ADCY2: variants seen among roughly 807,000 people sequenced by gnomAD.
ADCY2 encodes the protein adenylate cyclase 2, also known as adenylate cyclase type 2.
In ADCY2, 31 loss-of-function variants were observed where a neutral mutation model predicts 125.2. That is an observed-to-expected ratio of 0.25 (90% CI 0.19 to 0.33). The LOEUF is 0.33. ADCY2 is among the 10% of genes least tolerant of loss of function. ADCY2 has a pLI of 1.00. For missense variants in ADCY2, 904 were observed against 1,418.2 expected, an observed-to-expected ratio of 0.64 and a Z score of 5.82; for synonymous variants, 512 against 548.4, an observed-to-expected ratio of 0.93 and a Z score of 0.93.
intron 24 of ADCY2, 27 bp from the exon 25 acceptor site, chr5:7,826,692 G>A (rs528176690): frequency 6.4e-5 from 103 of 1,613,576 alleles, no homozygotes; most frequent in Admixed American, 3.3e-4. Context: ...TACTAAGCCC[G>A]TTTTCCCGTG....
intron 2 of ADCY2, among the ~76,000 whole-genome samples, chr5:7,504,555 G>A (rs1743727749): frequency 6.6e-6 from 1 of 151,414 alleles, no homozygotes; most frequent in Non-Finnish European, 1.5e-5. Context: ...TCAGCAAGAA[G>A]TACCATTTTT....
At chr5:7,666,359 C>A (rs915608742) in intron 4 of ADCY2, among the ~76,000 whole-genome samples, 10 of 151,920 alleles carry the variant, frequency 6.6e-5, no homozygotes, top group Non-Finnish European at 1.3e-4. Flanking sequence ...AGCTCAGCCT[C>A]CCAGGTTCAC....
intron 22 of ADCY2, among the ~76,000 whole-genome samples, chr5:7,811,608 G>T (rs182704396): frequency 5.5e-4 from 83 of 151,730 alleles, no homozygotes; most frequent in African/African-American, 1.9e-3. Context: ...TATAATTTTA[G>T]TTACTTATTA....
At chr5:7,441,262 A>G (rs909796877) in intron 2 of ADCY2, among the ~76,000 whole-genome samples, 2 of 152,184 alleles carry the variant, frequency 1.3e-5, no homozygotes, top group African/African-American at 4.8e-5. Context: ...TGGGAGACGG[A>G]ATGGAATTGC....
At chr5:7,817,046 G>C in intron 23 of ADCY2, 66 bp downstream of exon 23, 1 of 1,223,340 alleles carries the variant, frequency 8.2e-7, no homozygotes, top group South Asian at 1.2e-5. Flanking sequence ...AGTAAGTCAG[G>C]AGATATTGAT....
chr5:7,698,498 A>T, intron 7 of ADCY2, 124 bp downstream of exon 7: 1 of 971,434 alleles, frequency 1.0e-6, no homozygotes, highest in Non-Finnish European at 1.6e-6. Context: ...CCATCAACTC[A>T]TCATTTACAT....
chr5:7,537,940 G>C (rs75974893), intron 3 of ADCY2, among the ~76,000 whole-genome samples: 3,148 of 152,142 alleles, frequency 0.021, 42 homozygotes, highest in Middle Eastern at 0.044. Flanking sequence ...CTGTCACCTG[G>C]CCAGTGCCTA....
At chr5:7,495,939 A>G (rs1489508499) in intron 2 of ADCY2, among the ~76,000 whole-genome samples, 1 of 152,234 alleles carries the variant, frequency 6.6e-6, no homozygotes, top group Non-Finnish European at 1.5e-5. Flanking sequence ...GCCTACCAAT[A>G]CATGTGTGTT....
chr5:7,506,073 T>A (rs1743802015), intron 2 of ADCY2, among the ~76,000 whole-genome samples: 1 of 152,098 alleles, frequency 6.6e-6, no homozygotes, highest in South Asian at 2.1e-4. Context: ...AACCTGTTAT[T>A]GAGGGCGTGA....
chr5:7,826,076 T>C (rs1745467467), intron 24 of ADCY2, among the ~76,000 whole-genome samples: 1 of 152,178 alleles, frequency 6.6e-6, no homozygotes, highest in African/African-American at 2.4e-5. Context: ...CTTTGAGACT[T>C]GACTGGGAGC....
chr5:7,816,587 G>A (rs1001609165), intron 22 of ADCY2, among the ~76,000 whole-genome samples: 1 of 152,240 alleles, frequency 6.6e-6, no homozygotes, highest in African/African-American at 2.4e-5. Flanking sequence ...GGACTAATAC[G>A]ATACAGGTTC....
At chr5:7,593,891 T>C (rs1736924994) in intron 3 of ADCY2, among the ~76,000 whole-genome samples, 1 of 151,670 alleles carries the variant, frequency 6.6e-6, no homozygotes, top group Non-Finnish European at 1.5e-5. Flanking sequence ...AGAGAGGAGA[T>C]GTAAAAGTGT....
At chr5:7,751,388 T>C (rs953403605) in intron 15 of ADCY2, among the ~76,000 whole-genome samples, 4 of 152,118 alleles carry the variant, frequency 2.6e-5, no homozygotes, top group Admixed American at 6.5e-5. Context: ...TATAATTTGG[T>C]TTTTATTGTG....
At chr5:7,675,591 C>G (rs1740095906) in intron 4 of ADCY2, among the ~76,000 whole-genome samples, 1 of 152,200 alleles carries the variant, frequency 6.6e-6, no homozygotes, top group African/African-American at 2.4e-5. Flanking sequence ...TTCTGCAAAC[C>G]AGGCACTGTT....
intron 4 of ADCY2, among the ~76,000 whole-genome samples, chr5:7,661,169 A>T (rs984165356): frequency 6.6e-6 from 1 of 152,182 alleles, no homozygotes; most frequent in Non-Finnish European, 1.5e-5. Flanking sequence ...CCTATGGGTA[A>T]ATATTTTTGA....
At chr5:7,768,205 G>A (rs998749021) in intron 17 of ADCY2, among the ~76,000 whole-genome samples, 2 of 152,172 alleles carry the variant, frequency 1.3e-5, no homozygotes, top group Non-Finnish European at 2.9e-5. Context: ...TTCAAATTAG[G>A]TGTTATCATA....
intron 4 of ADCY2, among the ~76,000 whole-genome samples, chr5:7,674,433 C>T (rs533937106): frequency 2.0e-5 from 3 of 152,146 alleles, no homozygotes; most frequent in Admixed American, 6.5e-5. Context: ...CGCGCCATTT[C>T]GAGTGTGCTC....
intron 3 of ADCY2, among the ~76,000 whole-genome samples, chr5:7,595,312 T>G (rs945460193): frequency 6.6e-6 from 1 of 152,250 alleles, no homozygotes; most frequent in African/African-American, 2.4e-5. Flanking sequence ...TTGGAGCATT[T>G]ATTTTAATAC....
intron 3 of ADCY2, among the ~76,000 whole-genome samples, chr5:7,533,967 T>A (rs1051923870): frequency 6.6e-6 from 1 of 152,206 alleles, no homozygotes; most frequent in Non-Finnish European, 1.5e-5. Flanking sequence ...ATGGAGATGC[T>A]GACTGTGGGA....
Sources: gnomAD v4.1 joint callset for allele counts (sites outside exome capture counted in the v4.1 genomes callset) on GRCh38, gnomAD v4.1.1 for gene constraint, MANE v1.5 for transcripts, NCBI Gene and HGNC (gene_info 2026-07-23, HGNC 2026-07-21) for gene names.